EPB41L3: variants seen among roughly 807,000 people sequenced by gnomAD.
The protein encoded by EPB41L3 is band 4.1-like protein 3.
EPB41L3 carries 57 observed loss-of-function variants against 127.1 expected under a neutral mutation model. The ratio of observed to expected loss-of-function variants is 0.45; its 90% confidence interval spans 0.36 to 0.56. EPB41L3 has a LOEUF of 0.56. EPB41L3 is among the 20% of genes least tolerant of loss of function. The probability of loss-of-function intolerance (pLI) is 0.00; values close to 1 mark genes in which losing one functional copy is unlikely to be tolerated. For synonymous variants in EPB41L3, 572 were observed against 549.5 expected (o/e 1.04, Z -0.57); for missense variants, 1,273 against 1,372.2 (o/e 0.93, Z 1.14).
At chr18:5,574,883 A>G (rs1464379211) in intron 3 of EPB41L3, among the ~76,000 whole-genome samples, 1 of 152,142 alleles carries the variant, frequency 6.6e-6, no homozygotes, top group Non-Finnish European at 1.5e-5. Flanking sequence ...GAGTATGACC[A>G]TATGCTGAGT....
At chr18:5,461,625 A>G (rs1453360876) in intron 3 of EPB41L3, among the ~76,000 whole-genome samples, 2 of 152,220 alleles carry the variant, frequency 1.3e-5, no homozygotes, top group African/African-American at 2.4e-5. Flanking sequence ...CTTATCCTTG[A>G]CCTAGATTAT....
At chr18:5,449,520 G>C (rs2081994206) in intron 3 of EPB41L3, among the ~76,000 whole-genome samples, 1 of 152,028 alleles carries the variant, frequency 6.6e-6, no homozygotes, top group Non-Finnish European at 1.5e-5. Context: ...TCAAAAACTT[G>C]CACACAAATG....
chr18:5,407,208 C>A, intron 15 of EPB41L3: 2 of 532,786 alleles, frequency 3.8e-6, no homozygotes, highest in Non-Finnish European at 6.7e-6. Flanking sequence ...TTTTAGAAGG[C>A]AAACTATAAA....
At position 5,489,119 on chromosome 18, in the gene EPB41L3, G is replaced by A. The variant is rs1009731371; in HGVS notation, c.65C>T (p.Ala22Val). The change falls in exon 2 of 23, where the codon GCG becomes GTG. Residue 22 changes from alanine to valine, a missense_variant. Physicochemically the swap from Ala to Val is moderately conservative, Grantham distance 64. Around this residue, in one of 3 missense-constraint regions of EPB41L3, gnomAD observed 182 missense variants for 149.2 expected, o/e 1.22. Coordinates refer to ENST00000341928, the MANE Select transcript of EPB41L3 (RefSeq NM_012307.5). Reference sequence around the variant, plus strand: ...CCCCGCGCGCCCCTGCGCCCCCGCCGCCTCCTGGGGCTCGGCCTCCTGGTC... The same window carrying A: ...CCCCGCGCGCCCCTGCGCCCCCGCCACCTCCTGGGGCTCGGCCTCCTGGTC... ...KPDQEAEPQE[A>V]AGAQGRAGAP... 45 of 1,593,812 alleles carry A rather than the reference G, an allele frequency of 2.8e-5. No homozygotes were observed. The highest frequency in any genetic ancestry group is 3.7e-5 in the Non-Finnish European group (43 of 1,174,586).
At chr18:5,421,738 C>A (rs185981845) in intron 11 of EPB41L3, among the ~76,000 whole-genome samples, 1 of 152,124 alleles carries the variant, frequency 6.6e-6, no homozygotes, top group African/African-American at 2.4e-5. Flanking sequence ...AAATACCATA[C>A]GTTCTCATGT....
chr18:5,629,732 C>T (rs2094969471), upstream of EPB41L3, among the ~76,000 whole-genome samples: 1 of 152,280 alleles, frequency 6.6e-6, no homozygotes, highest in South Asian at 2.1e-4. Flanking sequence ...GCGCTCACTC[C>T]TGCCCTCCTC....
intron 1 of EPB41L3, among the ~76,000 whole-genome samples, chr18:5,506,499 C>T (rs1411337274): frequency 6.6e-6 from 1 of 152,176 alleles, no homozygotes; most frequent in African/African-American, 2.4e-5. Flanking sequence ...CTCAGCGAGG[C>T]CTTCCCTGTC....
chr18:5,396,323 C>A lies in EPB41L3; in HGVS notation c.2851G>T (p.Val951Leu). Residue 951 changes from valine (V) to leucine (L), a missense_variant, in exon 19 of 23, where the codon GTG becomes TTG. This residue lies in a region of EPB41L3 where 765 missense variants were observed against 782.9 expected (regional missense o/e 0.98). Coordinates refer to ENST00000341928, the MANE Select transcript of EPB41L3 (RefSeq NM_012307.5). ...EQKPHFESST[V>L]KTETISFGSV... Reference sequence around the variant, plus strand: ...CCAAAACTGATGGTTTCCGTCTTCACCGTTGAGGACTGTGCCAAAGGGGAG... The same window carrying A: ...CCAAAACTGATGGTTTCCGTCTTCAACGTTGAGGACTGTGCCAAAGGGGAG... The A allele has an allele frequency of 6.2e-7, 1 of 1,614,130 alleles. No individual in the cohort carries two copies.
chr18:5,484,519 T>TAAAAA (rs145804896), intron 2 of EPB41L3, among the ~76,000 whole-genome samples: 157 of 146,362 alleles, frequency 1.1e-3, no homozygotes, highest in African/African-American at 3.8e-3. Flanking sequence ...GAAATTGAGA[T>TAAAAA]AAAAAAAAAA....
upstream of EPB41L3, among the ~76,000 whole-genome samples, chr18:5,548,518 G>C (rs551190484): frequency 6.6e-6 from 1 of 152,216 alleles, no homozygotes; most frequent in Admixed American, 6.5e-5. Context: ...TTCCATATTT[G>C]CCTTTTTTAT....
intron 12 of EPB41L3, among the ~76,000 whole-genome samples, chr18:5,418,400 T>C (rs1196880011): frequency 6.6e-6 from 1 of 152,254 alleles, no homozygotes; most frequent in Non-Finnish European, 1.5e-5. Context: ...CATTGATGTG[T>C]CACTTCTTCA....
At chr18:5,448,834 C>T (rs372019373) in intron 3 of EPB41L3, among the ~76,000 whole-genome samples, 2 of 152,286 alleles carry the variant, frequency 1.3e-5, no homozygotes, top group African/African-American at 4.8e-5. Flanking sequence ...TGACAAATTG[C>T]ATTTCTGTTT....
At chr18:5,581,275 C>A (rs187881405) in intron 3 of EPB41L3, among the ~76,000 whole-genome samples, 1 of 152,180 alleles carries the variant, frequency 6.6e-6, no homozygotes, top group Admixed American at 6.5e-5. Context: ...TCTGGTTTTG[C>A]TAAATTTATC....
In EPB41L3 at chr18:5,600,277, A is replaced by T. The variant is rs111316080; in HGVS notation, c.-306+12063T>A. On this transcript the variant is annotated intron_variant, in intron 3 of 21. Transcript: ENST00000545076. ...GTCATACTGCTAGAAAATTGGATCT[A>T]AATTCATTCACCACAGGCAAAGGTA... is the stretch of plus-strand genomic sequence containing the variant. Among the ~76,000 whole-genome samples the T allele has an allele frequency of 5.8e-3, 882 of 152,308 alleles. 10 individuals are homozygous for T. Among genetic ancestry groups the T allele is most frequent in the African/African-American group, 0.015 (642 of 41,560 alleles).
At position 5,536,727 on chromosome 18, in the gene EPB41L3, GCTTGAACCTGGGAGGCTCA is replaced by G. The variant is rs373584194; in HGVS notation, c.-12+7167_-12+7185del. 7.0e-4 allele frequency among the ~76,000 whole-genome samples: 106 copies of G among 151,930 alleles called. 1 individual carries two copies. Among genetic ancestry groups the G allele is most frequent in the East Asian group, 4.3e-3 (22 of 5,152 alleles). On this transcript the variant is annotated intron_variant, in intron 1 of 22. Coordinates refer to ENST00000341928, the MANE Select transcript of EPB41L3 (RefSeq NM_012307.5). ...CTTGGGAGGCTGAGGCAGGAGACTCGCTTGAACCTGGGAGGCTCACTTGAACCCGGGAGGCAGAGGTTGC... is the reference window on the plus strand; with the variant it reads ...CTTGGGAGGCTGAGGCAGGAGACTCGCTTGAACCCGGGAGGCAGAGGTTGC...
intron 3 of EPB41L3, chr18:5,463,813 G>A (rs2084452556): frequency 6.6e-6 from 1 of 152,332 alleles, no homozygotes; most frequent in Non-Finnish European, 1.5e-5. Flanking sequence ...GACATACACT[G>A]GACTCCTGGC....
chr18:5,489,949 C>G (rs1280915313), intron 1 of EPB41L3, among the ~76,000 whole-genome samples: 6 of 152,216 alleles, frequency 3.9e-5, no homozygotes, highest in African/African-American at 1.4e-4. Flanking sequence ...TCTGCTGATA[C>G]ATCCTTTAAA....
chr18:5,498,874 C>T (rs1483550927), intron 1 of EPB41L3, among the ~76,000 whole-genome samples: 1 of 152,128 alleles, frequency 6.6e-6, no homozygotes, highest in African/African-American at 2.4e-5. Flanking sequence ...GCCATTGTGC[C>T]CTCAATGTGC....
chr18:5,406,287 A>G (rs2075372915), intron 16 of EPB41L3, among the ~76,000 whole-genome samples: 1 of 152,124 alleles, frequency 6.6e-6, no homozygotes, highest in African/African-American at 2.4e-5. Flanking sequence ...TAAATCAATT[A>G]AGATAATCAG....
Sources: gnomAD v4.1 joint callset for allele counts (sites outside exome capture counted in the v4.1 genomes callset) on GRCh38, gnomAD v4.1.1 for gene constraint, gnomAD v4.1.1 regional missense constraint, MANE v1.5 for transcripts, NCBI Gene and HGNC (gene_info 2026-07-23, HGNC 2026-07-21) for gene names.